DTNA: variants seen among roughly 807,000 people sequenced by gnomAD.
DTNA encodes dystrobrevin alpha.
DTNA carries 43 observed loss-of-function variants against 100.7 expected under a neutral mutation model. The observed-to-expected ratio is 0.43, with a 90% CI of 0.33 to 0.55. The LOEUF (loss-of-function observed/expected upper bound fraction) is 0.55, where lower values mean the gene tolerates loss of function less well. DTNA is among the 20% of genes least tolerant of loss of function. The pLI is 0.04. For synonymous variants in DTNA, 349 were observed against 347.9 expected (o/e 1.00, Z -0.04); for missense variants, 798 against 953.9 (o/e 0.84, Z 2.15).
In DTNA at chr18:34,519,197, C is replaced by T. The variant is rs532225857; in HGVS notation, c.-2+25683C>T. On this transcript the variant is annotated intron_variant, in intron 1 of 19. Transcript: ENST00000283365. ...CCATTAAACATCCAGGAGGAACTGT[C>T]CTAGTAATTGTTTTCCGATATGAAG... 2.6e-5 allele frequency among the ~76,000 whole-genome samples: 4 copies of T among 152,230 alleles called. No individual in the cohort carries two copies. The East Asian group carries it at 5.8e-4, about 22-fold the overall frequency.
At chr18:34,787,634 A>G (rs2094553955) in intron 3 of DTNA, among the ~76,000 whole-genome samples, 1 of 152,194 alleles carries the variant, frequency 6.6e-6, no homozygotes, top group Admixed American at 6.5e-5. Flanking sequence ...GATTTAAGTC[A>G]TCTCTGTGAA....
In DTNA at chr18:34,889,593, C is replaced by T; in HGVS notation, c.*1859C>T. The stretch of plus-strand genomic sequence containing the variant: ...CCAAGTCCTGACATCTTCATGCCCC[C>T]TCTGCAGAGGGCGGCTGTACGATGT... On this transcript the variant is annotated 3_prime_UTR_variant, in exon 23 of 23. Coordinates refer to ENST00000444659, the MANE Select transcript of DTNA (RefSeq NM_001386795.1). 1 of 985,454 alleles carries T rather than the reference C, an allele frequency of 1.0e-6. No individual in the cohort carries two copies. Among genetic ancestry groups the T allele is most frequent in the South Asian group, 4.7e-5 (1 of 21,280 alleles). The allele number at this position is 985,454 out of a possible 1,614,324, so 61.0% of individuals were successfully genotyped here.
intron 2 of DTNA, among the ~76,000 whole-genome samples, chr18:34,764,901 G>T (rs751103874): frequency 5.9e-5 from 9 of 152,176 alleles, no homozygotes; most frequent in Admixed American, 1.3e-4. Flanking sequence ...ATGTAGAAAT[G>T]GAGAAAAGCA....
At chr18:34,532,281 T>C (rs2043215240) in intron 1 of DTNA, among the ~76,000 whole-genome samples, 1 of 152,100 alleles carries the variant, frequency 6.6e-6, no homozygotes, top group South Asian at 2.1e-4. Flanking sequence ...AACCTGTTTT[T>C]TGAAAAATAA....
chr18:34,670,241 C>T (rs1241210594), intron 1 of DTNA, among the ~76,000 whole-genome samples: 2 of 152,174 alleles, frequency 1.3e-5, no homozygotes, highest in Admixed American at 1.3e-4. Context: ...GCATTCGTCA[C>T]GTAGTTCTCG....
intron 1 of DTNA, among the ~76,000 whole-genome samples, chr18:34,691,131 A>G (rs2079694057): frequency 6.6e-6 from 1 of 152,192 alleles, no homozygotes; most frequent in African/African-American, 2.4e-5. Context: ...TTACTTAAAA[A>G]CATTCTGTCA....
intron 17 of DTNA, chr18:34,866,106 T>C (rs768101975): frequency 6.2e-7 from 1 of 1,614,126 alleles, no homozygotes; most frequent in South Asian, 1.1e-5. Context: ...TCAATCTTTC[T>C]GTAGGAAGAA....
chr18:34,785,086 T>G (rs2094464566), intron 3 of DTNA, among the ~76,000 whole-genome samples: 1 of 152,008 alleles, frequency 6.6e-6, no homozygotes, highest in South Asian at 2.1e-4. Flanking sequence ...AGCTAATTTT[T>G]GTATTTTTAG....
intron 13 of DTNA, among the ~76,000 whole-genome samples, chr18:34,847,532 T>C (rs2096401872): frequency 6.6e-6 from 1 of 152,164 alleles, no homozygotes; most frequent in Non-Finnish European, 1.5e-5. Context: ...GTTCAAGGCT[T>C]CTGTGAGGTT....
At chr18:34,784,891 C>A (rs748942063) in intron 3 of DTNA, among the ~76,000 whole-genome samples, 1 of 151,702 alleles carries the variant, frequency 6.6e-6, no homozygotes, top group East Asian at 1.9e-4. Flanking sequence ...TTACAGCCTG[C>A]ATGTATGATT....
chr18:34,573,426 A>G (rs911490568), intron 1 of DTNA, among the ~76,000 whole-genome samples: 17 of 152,214 alleles, frequency 1.1e-4, no homozygotes, highest in South Asian at 2.1e-4. Context: ...TAAGGAACTT[A>G]TGAAGAACAT....
Position 34,888,425 on chromosome 18 carries a change from T to G in DTNA, c.*691T>G. On this transcript the variant is annotated 3_prime_UTR_variant, in exon 23 of 23. Transcript: ENST00000444659. The stretch of plus-strand genomic sequence containing the variant: ...CTCCAAGTCTCTGTGAGCAGTGACT[T>G]GAACCAAACACACCAGGAATAATCC... 1.0e-6 allele frequency: 1 copy of G among 985,856 alleles called. No individual in the cohort carries two copies. The highest frequency in any genetic ancestry group is 4.7e-5 in the South Asian group (1 of 21,284). 61.1% of individuals were successfully genotyped at this position (985,856 alleles called of 1,614,324 possible). A position where few individuals can be genotyped will look rare whatever the true frequency, so the allele number is the denominator to read the frequency against.
At chr18:34,698,209 T>G (rs2080860608) in intron 1 of DTNA, among the ~76,000 whole-genome samples, 1 of 152,186 alleles carries the variant, frequency 6.6e-6, no homozygotes, top group South Asian at 2.1e-4. Flanking sequence ...CTTTTGTGAG[T>G]GAAGAGACTT....
At chr18:34,529,485 A>G (rs2042945195) in intron 1 of DTNA, among the ~76,000 whole-genome samples, 1 of 152,136 alleles carries the variant, frequency 6.6e-6, no homozygotes, top group African/African-American at 2.4e-5. Flanking sequence ...ATTTGCCTCA[A>G]GATTTCCAGC....
intron 1 of DTNA, among the ~76,000 whole-genome samples, chr18:34,534,586 A>T (rs144504114): frequency 1.1e-3 from 171 of 151,970 alleles, no homozygotes; most frequent in African/African-American, 4.0e-3. Flanking sequence ...TCAACCCATC[A>T]TCTAGGTTTT....
chr18:34,817,762 T>C (rs2095628523), intron 7 of DTNA, among the ~76,000 whole-genome samples: 1 of 152,216 alleles, frequency 6.6e-6, no homozygotes, highest in South Asian at 2.1e-4. Flanking sequence ...CTCTTCCCAC[T>C]GGACAATCAG....
chr18:34,531,890 C>T lies in DTNA; in HGVS notation c.-2+38376C>T, dbSNP rs554664020. ...GCTTTTAGTTCTGTTAAAAAGTCCT[C>T]CCTCAGAGTTGAAAAAAGAACATGA... is the stretch of plus-strand genomic sequence containing the variant. On this transcript the variant is annotated intron_variant, in intron 1 of 19. Coordinates refer to the DTNA transcript ENST00000283365. Among the ~76,000 whole-genome samples the T allele has an allele frequency of 8.0e-4, 121 of 152,170 alleles. 1 individual carries two copies. The highest frequency in any genetic ancestry group is 1.3e-3 in the Non-Finnish European group (89 of 67,986).
At chr18:34,787,621 T>C (rs2094553485) in intron 3 of DTNA, among the ~76,000 whole-genome samples, 1 of 152,226 alleles carries the variant, frequency 6.6e-6, no homozygotes, top group South Asian at 2.1e-4. Context: ...CTACGGATGC[T>C]TGGATTTAAG....
chr18:34,794,348 T>G, intron 4 of DTNA, 98 bp downstream of exon 4: 2 of 1,354,486 alleles, frequency 1.5e-6, no homozygotes, highest in Non-Finnish European at 2.1e-6. Flanking sequence ...TCTCTCTCTT[T>G]TTTTTTTTAC....
Sources: allele counts gnomAD v4.1 joint callset (sites outside exome capture counted in the v4.1 genomes callset), GRCh38; gene constraint gnomAD v4.1.1; transcripts MANE v1.5; gene names NCBI Gene and HGNC (gene_info 2026-07-23, HGNC 2026-07-21).